Variants in NCOR1 observed in about 807,000 individuals in gnomAD.
The protein encoded by NCOR1 is protein phosphatase 1, regulatory subunit 109.
Under a neutral mutation model 288.1 loss-of-function variants are expected in NCOR1, and 63 were observed. That is an observed-to-expected ratio of 0.22 (90% CI 0.18 to 0.27). The LOEUF (loss-of-function observed/expected upper bound fraction) is 0.27, where lower values mean the gene tolerates loss of function less well. NCOR1 is among the 10% of genes least tolerant of loss of function. The pLI is 1.00. For synonymous variants in NCOR1, 1,007 were observed against 1,065.9 expected, an observed-to-expected ratio of 0.94 and a Z score of 1.08; for missense variants, 2,397 against 3,019.2, an observed-to-expected ratio of 0.79 and a Z score of 4.83.
chr17:16,212,371 G>A (rs1455593476), intron 1 of NCOR1, among the ~76,000 whole-genome samples: 4 of 152,118 alleles, frequency 2.6e-5, no homozygotes, highest in Admixed American at 2.0e-4. Context: ...ATTTAGTAGT[G>A]TGCCAGAACA....
intron 37 of NCOR1, among the ~76,000 whole-genome samples, chr17:16,060,563 G>T (rs1330803144): frequency 6.6e-6 from 1 of 152,100 alleles, no homozygotes; most frequent in Non-Finnish European, 1.5e-5. Context: ...CTCTCTAAAA[G>T]CCTCAGCAAT....
At chr17:16,211,359 C>T (rs1000971618) in intron 1 of NCOR1, among the ~76,000 whole-genome samples, 1 of 151,854 alleles carries the variant, frequency 6.6e-6, no homozygotes, top group African/African-American at 2.4e-5. Flanking sequence ...CTCCCAGGCT[C>T]AGCTTCCCAA....
intron 14 of NCOR1, 102 bp downstream of exon 14, chr17:16,137,208 AT>A: frequency 1.7e-6 from 1 of 591,990 alleles, no homozygotes; most frequent in Non-Finnish European, 2.9e-6. Flanking sequence ...AGAAACATCA[AT>A]GTTTAAACTA....
At chr17:16,148,575 A>G (rs1259639110) in intron 9 of NCOR1, among the ~76,000 whole-genome samples, 1 of 146,202 alleles carries the variant, frequency 6.8e-6, no homozygotes, top group Non-Finnish European at 1.5e-5. Context: ...GAACTTATTT[A>G]GTGAGTACCA....
chr17:16,046,059 C>T lies in NCOR1; in HGVS notation c.6679+892G>A, dbSNP rs560242296. Among the ~76,000 whole-genome samples the T allele has an allele frequency of 7.2e-5, 11 of 152,278 alleles. No individual in the cohort carries two copies. In the South Asian group the frequency reaches 2.1e-3, roughly 29 times the overall value. ...AACTCCTGGGCCCAATCAATCCTCC[C>T]GCCTTGGCCTCCCAAAGTGTTGAGA... On this transcript the variant is annotated intron_variant, in intron 42 of 45. Transcript: ENST00000268712.
intron 42 of NCOR1, among the ~76,000 whole-genome samples, chr17:16,041,553 A>G (rs1049186879): frequency 3.3e-5 from 5 of 151,344 alleles, no homozygotes; most frequent in African/African-American, 7.3e-5. Flanking sequence ...AGCTGGGATT[A>G]TAGGCCCCCC....
At chr17:16,094,162 C>T (rs1032043796) in intron 21 of NCOR1, among the ~76,000 whole-genome samples, 3 of 152,152 alleles carry the variant, frequency 2.0e-5, no homozygotes, top group African/African-American at 7.2e-5. Flanking sequence ...CCTCGGCCTC[C>T]CAAAAGTGTT....
At chr17:16,193,729 T>A (rs1253168531) in intron 2 of NCOR1, among the ~76,000 whole-genome samples, 1 of 152,112 alleles carries the variant, frequency 6.6e-6, no homozygotes, top group East Asian at 1.9e-4. Context: ...CATGTAATAA[T>A]GGTGAAAGAC....
intron 18 of NCOR1, among the ~76,000 whole-genome samples, chr17:16,110,488 A>G (rs754400926): frequency 1.8e-4 from 27 of 152,230 alleles, no homozygotes; most frequent in Non-Finnish European, 2.9e-4. Context: ...GTAAGAGTAC[A>G]TGTGTACACA....
chr17:16,077,294 G>A lies in NCOR1; in HGVS notation c.3502-1592C>T, dbSNP rs556454866. On this transcript the variant is annotated intron_variant, in intron 26 of 45. Coordinates refer to ENST00000268712, the MANE Select transcript of NCOR1 (RefSeq NM_006311.4). Reference sequence around the variant, plus strand: ...CACCTGTAATTCCAGCTACTTGGGTGGCTGAGGTAGGAGAATCACTTGAAC... The same window carrying A: ...CACCTGTAATTCCAGCTACTTGGGTAGCTGAGGTAGGAGAATCACTTGAAC... Among the ~76,000 whole-genome samples the A allele has an allele frequency of 2.8e-4, 43 of 151,370 alleles. 1 individual carries two copies. The highest frequency in any genetic ancestry group is 8.7e-4 in the African/African-American group (36 of 41,202).
intron 23 of NCOR1, chr17:16,083,906 A>AAGG (rs1250293225): frequency 6.6e-6 from 1 of 152,152 alleles, no homozygotes; most frequent in Non-Finnish European, 1.5e-5. Flanking sequence ...AACTCCTGCA[A>AAGG]ATAAAATAAA....
chr17:16,098,269 A>T, intron 21 of NCOR1, 98 bp downstream of exon 21: 1 of 1,227,618 alleles, frequency 8.1e-7, no homozygotes, highest in Non-Finnish European at 1.2e-6. Flanking sequence ...TTGTACCACT[A>T]TTTTTTTAAT....
At position 16,139,168 on chromosome 17, in the gene NCOR1, G is replaced by T; in HGVS notation, c.1192C>A (p.Arg398=). ...SEQENNEKQM[R]QLSVIPPMMF... ...ATAGGTGGAATCACAGAGAGCTGCC[G>T]CATTTGTTTCTCATTATTCTGGAAA... is the stretch of plus-strand genomic sequence containing the variant. The change falls in exon 12 of 46, where the codon CGG becomes AGG. Residue 398 remains arginine (R), a synonymous_variant. Coordinates refer to ENST00000268712, the MANE Select transcript of NCOR1 (RefSeq NM_006311.4). 6.2e-7 allele frequency: 1 copy of T among 1,607,430 alleles called. No homozygotes were observed. The highest frequency in any genetic ancestry group is 2.2e-5 in the East Asian group (1 of 44,820).
At chr17:16,086,493 C>A (rs1412547389) in intron 22 of NCOR1, 51 bp from the exon 23 acceptor site, 1 of 1,495,592 alleles carries the variant, frequency 6.7e-7, no homozygotes, top group Non-Finnish European at 9.2e-7. Flanking sequence ...TCCTAGTTTA[C>A]AACATGTTAC....
intron 2 of NCOR1, among the ~76,000 whole-genome samples, chr17:16,189,409 A>C (rs114230661): frequency 0.018 from 2,745 of 152,284 alleles, 84 homozygotes; most frequent in African/African-American, 0.062. Context: ...ATAAAAAAAA[A>C]ATTTATTAAA....
intron 28 of NCOR1, 127 bp from the exon 29 acceptor site, chr17:16,072,355 G>T: frequency 1.6e-6 from 1 of 621,214 alleles, no homozygotes; most frequent in Non-Finnish European, 2.6e-6. Flanking sequence ...GTCAATTTAA[G>T]TTTGTGAACT....
intron 32 of NCOR1, among the ~76,000 whole-genome samples, chr17:16,067,244 G>C (rs1249787888): frequency 6.6e-6 from 1 of 152,228 alleles, no homozygotes; most frequent in Non-Finnish European, 1.5e-5. Flanking sequence ...GTTTCTTCCA[G>C]CTGTACTTGT....
At chr17:16,124,324 G>A (rs1318121417) in intron 15 of NCOR1, among the ~76,000 whole-genome samples, 4 of 152,132 alleles carry the variant, frequency 2.6e-5, no homozygotes, top group Non-Finnish European at 4.4e-5. Flanking sequence ...CATACATACT[G>A]TATGATTTCA....
In NCOR1 at chr17:16,127,037, T is replaced by C. The variant is rs570231304; in HGVS notation, c.1510-831A>G. Reference sequence around the variant, plus strand: ...TTACAGTATATTGCTATAACTCTATTTTATTATTTGTTACTGTTAATTCCT... The same window carrying C: ...TTACAGTATATTGCTATAACTCTATCTTATTATTTGTTACTGTTAATTCCT... On this transcript the variant is annotated intron_variant, in intron 14 of 45. Coordinates refer to ENST00000268712, the MANE Select transcript of NCOR1 (RefSeq NM_006311.4). Among the ~76,000 whole-genome samples the C allele has an allele frequency of 2.0e-5, 3 of 152,000 alleles. No individual in the cohort carries two copies. The East Asian group carries it at 5.8e-4, about 29-fold the overall frequency.
Sources: allele counts gnomAD v4.1 joint callset (sites outside exome capture counted in the v4.1 genomes callset), GRCh38; gene constraint gnomAD v4.1.1; transcripts MANE v1.5; gene names NCBI Gene and HGNC (gene_info 2026-07-23, HGNC 2026-07-21).